The following ST6GALNAC5 variants were observed in gnomAD, a reference collection of about 807,000 sequenced individuals.
ST6GALNAC5 encodes the protein alpha-N-acetylgalactosaminide alpha-2,6-sialyltransferase 5.
In ST6GALNAC5, 27 loss-of-function variants were observed where a neutral mutation model predicts 33.6. The ratio of observed to expected loss-of-function variants is 0.80; its 90% CI spans 0.59 to 1.11. The LOEUF is 1.11. Ranked by LOEUF, ST6GALNAC5 falls within the 50% of genes least tolerant of loss-of-function variation. The pLI, the probability that ST6GALNAC5 is intolerant of heterozygous loss-of-function variation, is 0.00. For synonymous variants in ST6GALNAC5, 194 were observed against 171.2 expected (o/e 1.13, Z -1.04); for missense variants, 428 against 454.0 (o/e 0.94, Z 0.52).
chr1:76,968,617 G>C (rs1200396142), intron 2 of ST6GALNAC5, among the ~76,000 whole-genome samples: 1 of 152,318 alleles, frequency 6.6e-6, no homozygotes, highest in East Asian at 1.9e-4. Flanking sequence ...ATGTGATCCA[G>C]TCATTATGAT....
intron 2 of ST6GALNAC5, among the ~76,000 whole-genome samples, chr1:77,004,652 T>G (rs1430024896): frequency 2.5e-5 from 3 of 118,202 alleles, no homozygotes; most frequent in African/African-American, 7.8e-5. Flanking sequence ...ATGATGGTGA[T>G]GTACAGATGG....
At chr1:76,992,775 A>G (rs529922423) in intron 2 of ST6GALNAC5, among the ~76,000 whole-genome samples, 13 of 152,320 alleles carry the variant, frequency 8.5e-5, no homozygotes, top group African/African-American at 3.1e-4. Flanking sequence ...TATTACAGGC[A>G]TGAGCCACTG....
chr1:76,983,774 C>T (rs1235172624), intron 2 of ST6GALNAC5, among the ~76,000 whole-genome samples: 2 of 152,214 alleles, frequency 1.3e-5, no homozygotes, highest in Non-Finnish European at 2.9e-5. Context: ...AAGCACTCCT[C>T]AGCAAATGTA....
chr1:76,910,272 G>A (rs1015936751), intron 2 of ST6GALNAC5, among the ~76,000 whole-genome samples: 3 of 151,758 alleles, frequency 2.0e-5, no homozygotes, highest in African/African-American at 7.3e-5. Flanking sequence ...TATTGTAATT[G>A]CATCTTATTA....
chr1:77,044,478 G>A lies in ST6GALNAC5; in HGVS notation c.536G>A (p.Arg179Gln), dbSNP rs200875685. The A allele has an allele frequency of 5.1e-4, 830 of 1,613,352 alleles. 5 individuals carry two copies. The highest frequency in any genetic ancestry group is 1.1e-4 in the Non-Finnish European group (129 of 1,179,776). Reference protein sequence around the residue: ...IFWGPSSYMRRDGKGQVYNNL... With the variant: ...IFWGPSSYMRQDGKGQVYNNL... Reference sequence around the variant, plus strand: ...TGGGGCCCCAGCAGCTACATGCGGCGGGACGGCAAGGGCCAGGTCTACAAC... The same window carrying A: ...TGGGGCCCCAGCAGCTACATGCGGCAGGACGGCAAGGGCCAGGTCTACAAC... Residue 179 changes from arginine to glutamine, a missense_variant, in exon 3 of 5, where the codon CGG (arginine) becomes CAG (glutamine). Coordinates refer to ENST00000477717, the MANE Select transcript of ST6GALNAC5 (RefSeq NM_030965.3).
chr1:76,919,681 G>A (rs1647011661), intron 2 of ST6GALNAC5, among the ~76,000 whole-genome samples: 1 of 152,114 alleles, frequency 6.6e-6, no homozygotes, highest in African/African-American at 2.4e-5. Context: ...TGAGTAAATG[G>A]GGGCTGAACT....
intron 2 of ST6GALNAC5, among the ~76,000 whole-genome samples, chr1:77,012,846 C>T (rs34099189): frequency 1.3e-5 from 2 of 151,958 alleles, no homozygotes; most frequent in Non-Finnish European, 2.9e-5. Flanking sequence ...AAGAATCTTA[C>T]AACTGAGTGG....
chr1:77,050,883 A>G (rs1652194759), intron 4 of ST6GALNAC5, among the ~76,000 whole-genome samples: 1 of 152,180 alleles, frequency 6.6e-6, no homozygotes. Flanking sequence ...ACATGCATAC[A>G]TCTCTGTTGC....
At chr1:76,947,747 TA>T (rs1439186588) in intron 2 of ST6GALNAC5, among the ~76,000 whole-genome samples, 1 of 151,922 alleles carries the variant, frequency 6.6e-6, no homozygotes, top group Non-Finnish European at 1.5e-5. Context: ...CCTTGTCTCA[TA>T]AAAGGAAAAA....
At chr1:77,020,009 C>T (rs552515743) in intron 2 of ST6GALNAC5, among the ~76,000 whole-genome samples, 2 of 152,302 alleles carry the variant, frequency 1.3e-5, no homozygotes, top group East Asian at 3.9e-4. Context: ...TACATGAAAA[C>T]CTGTCAGACT....
chr1:76,993,017 C>T (rs1053622850), intron 2 of ST6GALNAC5, among the ~76,000 whole-genome samples: 4 of 152,160 alleles, frequency 2.6e-5, no homozygotes, highest in Non-Finnish European at 5.9e-5. Context: ...CCTTTTCAGC[C>T]TCATTTCCTG....
At chr1:77,024,345 T>A (rs924665305) in intron 2 of ST6GALNAC5, among the ~76,000 whole-genome samples, 4 of 152,202 alleles carry the variant, frequency 2.6e-5, no homozygotes, top group African/African-American at 9.7e-5. Context: ...AGGTGGTCCT[T>A]GGAAAGAGCT....
At chr1:76,898,449 C>A (rs1175705469) in intron 2 of ST6GALNAC5, among the ~76,000 whole-genome samples, 1 of 151,600 alleles carries the variant, frequency 6.6e-6, no homozygotes, top group Non-Finnish European at 1.5e-5. Context: ...GTTTGAGGGC[C>A]AGAATTTAAT....
chr1:76,962,744 T>C (rs933801259), intron 2 of ST6GALNAC5, among the ~76,000 whole-genome samples: 1 of 152,220 alleles, frequency 6.6e-6, no homozygotes, highest in Non-Finnish European at 1.5e-5. Flanking sequence ...ATGGTGTTAA[T>C]TTGGATCTTT....
At chr1:76,968,467 T>G (rs1648593991) in intron 2 of ST6GALNAC5, among the ~76,000 whole-genome samples, 1 of 152,218 alleles carries the variant, frequency 6.6e-6, no homozygotes, top group African/African-American at 2.4e-5. Context: ...TTTGAGCCTA[T>G]GTGTGTCTCT....
Position 77,064,147 on chromosome 1 carries a change from T to G in ST6GALNAC5, c.*941T>G, listed in dbSNP as rs570218742. On this transcript the variant is annotated 3_prime_UTR_variant, in exon 5 of 5. Transcript: ENST00000477717. ...CCTTTTTGGCAGAATGATGTCACTG[T>G]ACCAGACAACCTCTTAGGTTTCATC... The G allele has an allele frequency of 2.6e-4, 40 of 152,332 alleles. No individual in the cohort carries two copies. Among genetic ancestry groups the G allele is most frequent in the African/African-American group, 8.2e-4 (34 of 41,586 alleles). The allele number at this position is 152,332 out of a possible 1,614,324, so 9.4% of individuals were successfully genotyped here. A position where few individuals can be genotyped will look rare whatever the true frequency, so the allele number is the denominator to read the frequency against.
intron 2 of ST6GALNAC5, among the ~76,000 whole-genome samples, chr1:76,973,943 G>T (rs185275139): frequency 1.8e-4 from 27 of 152,066 alleles, no homozygotes; most frequent in Middle Eastern, 3.4e-3. Context: ...GAACCAGACT[G>T]CTTTAATTAT....
Position 76,971,140 on chromosome 1 carries a change from A to T in ST6GALNAC5, c.262-73064A>T, listed in dbSNP as rs895599459. Among the ~76,000 whole-genome samples the T allele has an allele frequency of 2.6e-5, 4 of 152,246 alleles. No homozygotes were observed. In the South Asian group the frequency reaches 6.2e-4, roughly 24 times the overall value. ...GAAAGTTACTTTTTGTTTTGTTTAGATTTGTAGATAGCATTCCTCAGAGTA... is the reference window on the plus strand; with the variant it reads ...GAAAGTTACTTTTTGTTTTGTTTAGTTTTGTAGATAGCATTCCTCAGAGTA... On this transcript the variant is annotated intron_variant, in intron 2 of 4. Transcript: ENST00000477717.
At chr1:77,012,157 A>G (rs1359339819) in intron 2 of ST6GALNAC5, among the ~76,000 whole-genome samples, 1 of 152,198 alleles carries the variant, frequency 6.6e-6, no homozygotes, top group African/African-American at 2.4e-5. Flanking sequence ...TCACTAGGAA[A>G]CAGAGAGATA....
Sources: allele counts gnomAD v4.1 joint callset (sites outside exome capture counted in the v4.1 genomes callset), GRCh38; gene constraint gnomAD v4.1.1; transcripts MANE v1.5; gene names NCBI Gene and HGNC (gene_info 2026-07-23, HGNC 2026-07-21).